The following KCTD10 variants were observed in gnomAD, a reference collection of about 807,000 sequenced individuals.
KCTD10 encodes the protein BTB/POZ domain-containing adapter for CUL3-mediated RhoA degradation protein 3.
In KCTD10, 13 loss-of-function variants were observed where a neutral mutation model predicts 34.6. The ratio of observed to expected loss-of-function variants is 0.38; its 90% CI spans 0.24 to 0.60. The LOEUF (loss-of-function observed/expected upper bound fraction) is 0.60. KCTD10 is among the 20% of genes least tolerant of loss of function. KCTD10 has a pLI of 0.66. For missense variants in KCTD10, 256 were observed against 420.3 expected (o/e 0.61, Z 3.42); for synonymous variants, 156 against 168.8 (o/e 0.92, Z 0.59).
intron 1 of KCTD10, among the ~76,000 whole-genome samples, chr12:109,473,930 C>T (rs190207386): frequency 2.5e-4 from 38 of 152,182 alleles, no homozygotes; most frequent in African/African-American, 9.2e-4. Context: ...TACAGGCATG[C>T]ACCACCACAC....
chr12:109,477,183 T>C (rs749845957), intron 1 of KCTD10, 77 bp downstream of exon 1: 13 of 1,566,958 alleles, frequency 8.3e-6, no homozygotes, highest in Non-Finnish European at 1.1e-5. Context: ...CTCCTCTCGG[T>C]CCCTTCTTAT....
At chr12:109,474,088 T>G (rs868489913) in intron 1 of KCTD10, among the ~76,000 whole-genome samples, 2 of 152,110 alleles carry the variant, frequency 1.3e-5, no homozygotes, top group Non-Finnish European at 2.9e-5. Flanking sequence ...GCTAATTTTG[T>G]ATTTTTAGTA....
At chr12:109,462,897 G>A (rs761403775) in intron 2 of KCTD10, among the ~76,000 whole-genome samples, 3 of 152,200 alleles carry the variant, frequency 2.0e-5, no homozygotes, top group Non-Finnish European at 4.4e-5. Context: ...TGAGGCCTCT[G>A]TGCTACCCTA....
Position 109,450,083 on chromosome 12 carries a change from A to AAAAT in KCTD10, c.*1508_*1511dup. ...AAGTCTAAGCTGTAAAAACCGTTTG[A>AAAAT]AAATATAAACTCGTTTTTGGAATAC... On this transcript the variant is annotated 3_prime_UTR_variant, in exon 7 of 7. Transcript: ENST00000228495. 1 of 394,834 alleles carries AAAAT rather than the reference A, an allele frequency of 2.5e-6. No homozygotes were observed. Among genetic ancestry groups the AAAAT allele is most frequent in the Non-Finnish European group, 4.5e-6 (1 of 224,188 alleles). The allele number at this position is 394,834 out of a possible 1,614,324, so 24.5% of individuals were successfully genotyped here.
chr12:109,466,082 C>A (rs1873569077), intron 2 of KCTD10, among the ~76,000 whole-genome samples: 1 of 152,144 alleles, frequency 6.6e-6, no homozygotes, highest in Non-Finnish European at 1.5e-5. Flanking sequence ...GGGAACTGAA[C>A]CTTTCCGGGA....
At position 109,450,238 on chromosome 12, in the gene KCTD10, C is replaced by T. The variant is rs1872701002; in HGVS notation, c.*1357G>A. The T allele has an allele frequency of 5.0e-6, 2 of 398,554 alleles. No homozygotes were observed. The highest frequency in any genetic ancestry group is 1.3e-4 in the South Asian group (1 of 7,864). The allele number at this position is 398,554 out of a possible 1,614,324, so 24.7% of individuals were successfully genotyped here. On this transcript the variant is annotated 3_prime_UTR_variant, in exon 7 of 7. Coordinates refer to ENST00000228495, the MANE Select transcript of KCTD10 (RefSeq NM_031954.5). ...ACTCTACCTAGTCTAGTCTCAACCA[C>T]CCCTGTCAGTCACGACTCACTCCTG...
rs1189217670 is a variant in KCTD10, at chr12:109,460,823, A to G, written c.218-18T>C. Reference sequence around the variant, plus strand: ...GATCCAGCCTGCAGAGGGAGGAGGCAGGGGCTGGTTACATGGGCCCTCCTC... The same window carrying G: ...GATCCAGCCTGCAGAGGGAGGAGGCGGGGGCTGGTTACATGGGCCCTCCTC... On this transcript the variant is annotated intron_variant, in intron 2 of 6. Transcript: ENST00000228495. This position sits in a 1 kb window ranked among gnomAD's most constrained non-coding sequence, Gnocchi z 4.5. 2 of 1,612,304 alleles carry G rather than the reference A, an allele frequency of 1.2e-6. No individual in the cohort carries two copies. Among genetic ancestry groups the G allele is most frequent in the East Asian group, 2.2e-5 (1 of 44,866 alleles).
intron 2 of KCTD10, among the ~76,000 whole-genome samples, chr12:109,465,365 C>T (rs1830153861): frequency 6.6e-6 from 1 of 152,184 alleles, no homozygotes; most frequent in Non-Finnish European, 1.5e-5. Context: ...ACCAACAGCG[C>T]CTTGTTTAGG....
rs1336532642 is a variant in KCTD10 at position 109,450,051 on chromosome 12, A to G, written c.*1544T>C. On this transcript the variant is annotated 3_prime_UTR_variant, in exon 7 of 7. Transcript: ENST00000228495. ...ATACAACTGTCACAGGCAGGGCAGT[A>G]AGTACAAAGTCTAAGCTGTAAAAAC... The G allele has an allele frequency of 2.6e-6, 1 of 383,566 alleles. No homozygotes were observed. Among genetic ancestry groups the G allele is most frequent in the Non-Finnish European group, 4.6e-6 (1 of 216,910 alleles). The allele number at this position is 383,566 out of a possible 1,614,324, so 23.8% of individuals were successfully genotyped here. A position where few individuals can be genotyped will look rare whatever the true frequency, so the allele number is the denominator to read the frequency against.
intron 1 of KCTD10, chr12:109,470,327 C>T: frequency 2.0e-6 from 2 of 985,576 alleles, no homozygotes; most frequent in Non-Finnish European, 2.4e-6. Flanking sequence ...GAGGACTAAA[C>T]AACAGACATG....
chr12:109,466,123 A>G (rs1383404911), intron 2 of KCTD10, among the ~76,000 whole-genome samples: 2 of 152,180 alleles, frequency 1.3e-5, no homozygotes, highest in African/African-American at 4.8e-5. Flanking sequence ...TCACTGCCAC[A>G]GTGTCCTTGT....
chr12:109,469,663 G>A lies in KCTD10; in HGVS notation c.69C>T (p.Ser23=). Residue 23 remains serine, a synonymous_variant, in exon 2 of 7, where the codon TCC becomes TCT. Coordinates refer to ENST00000228495, the MANE Select transcript of KCTD10 (RefSeq NM_031954.5). ...AVPAAATRTT[S]FKGTSPSSKY... is the part of the protein sequence containing the mutation. ...TGGAGCTGGGGCTCGTGCCCTTGAA[G>A]GAAGTGGTGCGGGTAGCAGCCGCTG... The A allele has an allele frequency of 6.2e-7, 1 of 1,614,248 alleles. No homozygotes were observed. The highest frequency in any genetic ancestry group is 8.5e-7 in the Non-Finnish European group (1 of 1,180,052).
intron 1 of KCTD10, among the ~76,000 whole-genome samples, chr12:109,473,777 TC>T (rs1324353312): frequency 6.9e-6 from 1 of 144,464 alleles, no homozygotes; most frequent in Non-Finnish European, 1.5e-5. Context: ...GCTACTGGAA[TC>T]CTGCTTTTTT....
At position 109,449,827 on chromosome 12, in the gene KCTD10, C is replaced by A; in HGVS notation, c.*1768G>T. 7.5e-6 allele frequency: 1 copy of A among 133,376 alleles called. No individual in the cohort carries two copies. Among genetic ancestry groups the A allele is most frequent in the African/African-American group, 2.9e-5 (1 of 34,488 alleles). 8.3% of individuals were successfully genotyped at this position (133,376 alleles called of 1,614,324 possible). On this transcript the variant is annotated 3_prime_UTR_variant, in exon 7 of 7. Coordinates refer to ENST00000228495, the MANE Select transcript of KCTD10 (RefSeq NM_031954.5). The stretch of plus-strand genomic sequence containing the variant: ...AAAGAAAGACAGGGTTGGTGTTTAA[C>A]ACTTAAACAGTATAAAATATTTACG...
Position 109,450,075 on chromosome 12 carries a change from A to C in KCTD10, c.*1520T>G, listed in dbSNP as rs1285586809. On this transcript the variant is annotated 3_prime_UTR_variant, in exon 7 of 7. Coordinates refer to ENST00000228495, the MANE Select transcript of KCTD10 (RefSeq NM_031954.5). Reference sequence around the variant, plus strand: ...TAAGTACAAAGTCTAAGCTGTAAAAACCGTTTGAAAATATAAACTCGTTTT... The same window carrying C: ...TAAGTACAAAGTCTAAGCTGTAAAACCCGTTTGAAAATATAAACTCGTTTT... The C allele has an allele frequency of 2.5e-6, 1 of 392,666 alleles. No homozygotes were observed. The highest frequency in any genetic ancestry group is 4.5e-6 in the Non-Finnish European group (1 of 222,786). The allele number at this position is 392,666 out of a possible 1,614,324, so 24.3% of individuals were successfully genotyped here.
In KCTD10 at chr12:109,451,566, A is replaced by G. The variant is rs1339396237; in HGVS notation, c.*29T>C. 1.3e-6 allele frequency: 2 copies of G among 1,575,368 alleles called. No individual in the cohort carries two copies. Among genetic ancestry groups the G allele is most frequent in the Admixed American group, 3.4e-5 (2 of 58,776 alleles). ...AGCACGGCAGGGAGTGGGGGCGGTGAGAGGAGGGCGGCTCGGTCTCTTGCC... is the reference window on the plus strand; with the variant it reads ...AGCACGGCAGGGAGTGGGGGCGGTGGGAGGAGGGCGGCTCGGTCTCTTGCC... On this transcript the variant is annotated 3_prime_UTR_variant, in exon 7 of 7. Transcript: ENST00000228495. The surrounding 1 kb of genome is among the most constrained non-coding windows in gnomAD (Gnocchi z 5.0).
chr12:109,451,701 G>A lies in KCTD10; in HGVS notation c.836C>T (p.Ala279Val). ...NALLEATGGA[A>V]GRSHHLDEDE... ...CTCGTCCAGGTGGTGGGAGCGCCCC[G>A]CCGCCCCGCCTGTGGCCTCCAGGAG... Residue 279 changes from alanine (A) to valine (V), a missense_variant, in exon 7 of 7, where the codon GCG becomes GTG. By Grantham distance (64) the Ala-to-Val change is moderately conservative. Transcript: ENST00000228495. This position sits in a 1 kb window ranked among gnomAD's most constrained non-coding sequence, Gnocchi z 5.0. The A allele has an allele frequency of 2.3e-5, 37 of 1,613,834 alleles. No homozygotes were observed. The highest frequency in any genetic ancestry group is 1.6e-4 in the Middle Eastern group (1 of 6,062).
In KCTD10 at chr12:109,460,871, C is replaced by G. The variant is rs908141538; in HGVS notation, c.218-66G>C. 9.9e-6 allele frequency: 15 copies of G among 1,513,144 alleles called. No homozygotes were observed. Among genetic ancestry groups the G allele is most frequent in the South Asian group, 9.5e-5 (8 of 84,412 alleles). The allele number at this position is 1,513,144 out of a possible 1,614,324, so 93.7% of individuals were successfully genotyped here. ...CTCTTGTGGGAGGCCCTGAGCAGAG[C>G]TGGGGTGTCTCTCGGCTCCCTCTAC... is the stretch of plus-strand genomic sequence containing the variant. On this transcript the variant is annotated intron_variant, in intron 2 of 6. Transcript: ENST00000228495. This position sits in a 1 kb window ranked among gnomAD's most constrained non-coding sequence, Gnocchi z 4.5.
intron 4 of KCTD10, 28 bp downstream of exon 4, chr12:109,457,964 A>C: frequency 6.4e-7 from 1 of 1,562,694 alleles, no homozygotes; most frequent in South Asian, 1.1e-5. Context: ...GTAGCAAAAG[A>C]AATTCCACAA....
Sources: allele counts gnomAD v4.1 joint callset (sites outside exome capture counted in the v4.1 genomes callset), GRCh38; gene constraint gnomAD v4.1.1; non-coding constraint Gnocchi (gnomAD v3.1); transcripts MANE v1.5; gene names NCBI Gene and HGNC (gene_info 2026-07-23, HGNC 2026-07-21).